The following PGGT1B variants were observed in gnomAD, a reference collection of about 807,000 sequenced individuals.
The protein encoded by PGGT1B is protein geranylgeranyltransferase type I subunit beta.
Under a neutral mutation model 46.1 loss-of-function variants are expected in PGGT1B, and 30 were observed. The observed-to-expected ratio is 0.65, with a 90% CI of 0.49 to 0.88. The LOEUF is 0.88. Among genes scored for constraint, PGGT1B ranks in the 40% least tolerant of loss-of-function variants. PGGT1B has a pLI of 0.00. For synonymous variants in PGGT1B, 170 were observed against 160.0 expected (o/e 1.06, Z -0.47); for missense variants, 376 against 455.9 (o/e 0.82, Z 1.60).
chr5:115,232,960 T>C (rs265438), intron 5 of PGGT1B, among the ~76,000 whole-genome samples: 110,993 of 151,722 alleles, frequency 0.73, 41,732 homozygotes, highest in African/African-American at 0.92. Flanking sequence ...CTTTTTCCTA[T>C]CAGAAAAATC....
At chr5:115,242,434 T>A (rs1757376034) in intron 2 of PGGT1B, among the ~76,000 whole-genome samples, 1 of 152,144 alleles carries the variant, frequency 6.6e-6, no homozygotes, top group Non-Finnish European at 1.5e-5. Context: ...CTAAAAATAG[T>A]CTCTGATATG....
Position 115,236,479 on chromosome 5 carries a change from C to T in PGGT1B, c.523G>A (p.Val175Met). 6.4e-7 allele frequency: 1 copy of T among 1,569,704 alleles called. No homozygotes were observed. Among genetic ancestry groups the T allele is most frequent in the Non-Finnish European group, 8.6e-7 (1 of 1,162,362 alleles). The change falls in exon 5 of 9, where the codon GTG becomes ATG. Residue 175 changes from valine (V) to methionine (M), a missense_variant. Around this residue, in one of 2 missense-constraint regions of PGGT1B, gnomAD observed 222 missense variants for 313.6 expected, o/e 0.71. Transcript: ENST00000419445. ...PEGSENDMRF[V>M]YCASCICYML... ...TAGCAAATACAGGAAGCACAGTACA[C>T]AAATCGCATGTCATTTTCACTGCCT...
rs1756014525 is a variant in PGGT1B, at chr5:115,204,662, ACT to A, written c.*7738_*7739del. 2 of 152,142 alleles carry A rather than the reference ACT, an allele frequency of 1.3e-5. No individual in the cohort carries two copies. The highest frequency in any genetic ancestry group is 4.8e-5 in the African/African-American group (2 of 41,438). The allele number at this position is 152,142 out of a possible 1,614,324, so 9.4% of individuals were successfully genotyped here. Reference sequence around the variant, plus strand: ...TGTTGTTGAGTTTATGAATGGCTACACTGTTTCTGGATGGCAATTCTTGGCAG... The same window carrying A: ...TGTTGTTGAGTTTATGAATGGCTACAGTTTCTGGATGGCAATTCTTGGCAG... On this transcript the variant is annotated 3_prime_UTR_variant, in exon 9 of 9. Transcript: ENST00000419445.
chr5:115,246,309 T>C (rs548398970), intron 2 of PGGT1B, among the ~76,000 whole-genome samples: 33 of 151,640 alleles, frequency 2.2e-4, no homozygotes, highest in South Asian at 1.0e-3. Context: ...TGAGCCAAGA[T>C]TGCGCCACTG....
intron 1 of PGGT1B, among the ~76,000 whole-genome samples, chr5:115,259,880 A>C (rs991476190): frequency 6.6e-6 from 1 of 152,070 alleles, no homozygotes; most frequent in African/African-American, 2.4e-5. Context: ...CTTCTAGAAG[A>C]GGTGACTGTA....
intron 7 of PGGT1B, among the ~76,000 whole-genome samples, chr5:115,220,715 C>T (rs150754111): frequency 6.6e-6 from 1 of 151,848 alleles, no homozygotes; most frequent in African/African-American, 2.4e-5. Context: ...CAGGAAATCA[C>T]TGGATATTTA....
chr5:115,246,409 G>T (rs190816100), intron 2 of PGGT1B, among the ~76,000 whole-genome samples: 1 of 151,332 alleles, frequency 6.6e-6, no homozygotes, highest in Non-Finnish European at 1.5e-5. Flanking sequence ...ACTCTTTTGC[G>T]GTTTCTGTCA....
intron 2 of PGGT1B, among the ~76,000 whole-genome samples, chr5:115,243,628 A>G (rs1757417219): frequency 6.6e-6 from 1 of 152,186 alleles, no homozygotes; most frequent in Non-Finnish European, 1.5e-5. Flanking sequence ...TAAAACACCT[A>G]CTGCCTTACT....
At chr5:115,234,943 A>G (rs1460880148) in intron 5 of PGGT1B, among the ~76,000 whole-genome samples, 1 of 152,058 alleles carries the variant, frequency 6.6e-6, no homozygotes, top group East Asian at 1.9e-4. Flanking sequence ...GCCTAGAAGT[A>G]ATGACATCGC....
At chr5:115,235,853 T>C (rs1368994358) in intron 5 of PGGT1B, among the ~76,000 whole-genome samples, 3 of 152,148 alleles carry the variant, frequency 2.0e-5, no homozygotes, top group Non-Finnish European at 4.4e-5. Context: ...TAAAATATTC[T>C]AACAGCCTCA....
chr5:115,216,521 C>G (rs1561469495), intron 8 of PGGT1B, among the ~76,000 whole-genome samples: 1 of 152,180 alleles, frequency 6.6e-6, no homozygotes, highest in Non-Finnish European at 1.5e-5. Flanking sequence ...CAAGTCATGA[C>G]TAATAATCCT....
rs1271774743 is a variant in PGGT1B at position 115,205,673 on chromosome 5, A to G, written c.*6729T>C. On this transcript the variant is annotated 3_prime_UTR_variant, in exon 9 of 9. Transcript: ENST00000419445. ...CACAAAGGTCTTTTCTAATGCCACA[A>G]TTATTACAAGTAGACAGTTTTACTA... 6.6e-6 allele frequency: 1 copy of G among 152,064 alleles called. No individual in the cohort carries two copies. Among genetic ancestry groups the G allele is most frequent in the African/African-American group, 2.4e-5 (1 of 41,450 alleles). 9.4% of individuals were successfully genotyped at this position (152,064 alleles called of 1,614,324 possible). A position where few individuals can be genotyped will look rare whatever the true frequency, so the allele number is the denominator to read the frequency against.
chr5:115,233,631 A>T (rs1198195642), intron 5 of PGGT1B, among the ~76,000 whole-genome samples: 1 of 151,904 alleles, frequency 6.6e-6, no homozygotes, highest in East Asian at 1.9e-4. Context: ...TGCAGTCTGG[A>T]TTTGTATGGC....
In PGGT1B at chr5:115,209,312, A is replaced by T. The variant is rs265419; in HGVS notation, c.*3090T>A. The T allele has an allele frequency of 0.73, 111,415 of 151,912 alleles. 42,026 individuals carry two copies. Among genetic ancestry groups the T allele is most frequent in the African/African-American group, 0.92 (38,232 of 41,466 alleles). 9.4% of individuals were successfully genotyped at this position (151,912 alleles called of 1,614,324 possible). ...GAGGTACACAGCGTAAAACCCAGACAGCTCTAATGCAATCAGCAGACCTTA... is the reference window on the plus strand; with the variant it reads ...GAGGTACACAGCGTAAAACCCAGACTGCTCTAATGCAATCAGCAGACCTTA... On this transcript the variant is annotated 3_prime_UTR_variant, in exon 9 of 9. Transcript: ENST00000419445.
rs760123428 is a variant in PGGT1B at position 115,208,125 on chromosome 5, A to G, written c.*4277T>C. The stretch of plus-strand genomic sequence containing the variant: ...TGTTGGATTGTTTGCTAATGTTATC[A>G]TTAAAACTTTTTATTAATATTCATG... On this transcript the variant is annotated 3_prime_UTR_variant, in exon 9 of 9. Coordinates refer to ENST00000419445, the MANE Select transcript of PGGT1B (RefSeq NM_005023.4). 4 of 151,778 alleles carry G rather than the reference A, an allele frequency of 2.6e-5. No homozygotes were observed. Among genetic ancestry groups the G allele is most frequent in the African/African-American group, 9.7e-5 (4 of 41,192 alleles). 9.4% of individuals were successfully genotyped at this position (151,778 alleles called of 1,614,324 possible).
intron 2 of PGGT1B, among the ~76,000 whole-genome samples, chr5:115,249,402 A>G (rs1193460044): frequency 6.6e-6 from 1 of 152,122 alleles, no homozygotes; most frequent in Non-Finnish European, 1.5e-5. Context: ...TGGACAAGGG[A>G]GGGGAAGGGG....
rs1313937830 is a variant in PGGT1B, at chr5:115,211,088, T to C, written c.*1314A>G. 1 of 152,118 alleles carries C rather than the reference T, an allele frequency of 6.6e-6. No homozygotes were observed. The allele number at this position is 152,118 out of a possible 1,614,324, so 9.4% of individuals were successfully genotyped here. On this transcript the variant is annotated 3_prime_UTR_variant, in exon 9 of 9. Coordinates refer to ENST00000419445, the MANE Select transcript of PGGT1B (RefSeq NM_005023.4). ...ACCAGTAATCCAGTTTTTATACTGA[T>C]ACTTGTATTTCAACATTTATTATCA... is the stretch of plus-strand genomic sequence containing the variant.
At chr5:115,244,466 C>CAA (rs1299602640) in intron 2 of PGGT1B, among the ~76,000 whole-genome samples, 2,474 of 30,988 alleles carry the variant, frequency 0.08, 342 homozygotes, top group Middle Eastern at 0.17. Flanking sequence ...CTCTGTCTCA[C>CAA]AAAAAAAAAA....
At chr5:115,242,574 GTAGCTTA>G (rs1172873561) in intron 2 of PGGT1B, among the ~76,000 whole-genome samples, 1 of 152,028 alleles carries the variant, frequency 6.6e-6, no homozygotes, top group Non-Finnish European at 1.5e-5. Context: ...ACTTAAAATA[GTAGCTTA>G]TACATTAATT....
Sources: gnomAD v4.1 joint callset for allele counts (sites outside exome capture counted in the v4.1 genomes callset) on GRCh38, gnomAD v4.1.1 for gene constraint, gnomAD v4.1.1 regional missense constraint, MANE v1.5 for transcripts, NCBI Gene and HGNC (gene_info 2026-07-23, HGNC 2026-07-21) for gene names.